The following PRDM7 variants were observed in gnomAD, a reference collection of about 807,000 sequenced individuals.
The protein encoded by PRDM7 is PR/SET domain 7.
In PRDM7, 52 loss-of-function variants were observed where a neutral mutation model predicts 64.3. The ratio of observed to expected loss-of-function variants is 0.81; its 90% CI spans 0.65 to 1.02. The LOEUF (loss-of-function observed/expected upper bound fraction) is 1.02, where lower values mean the gene tolerates loss of function less well. Ranked by LOEUF, PRDM7 falls within the 50% of genes least tolerant of loss-of-function variation. The pLI, the probability that PRDM7 is intolerant of heterozygous loss-of-function variation, is 0.00. For missense variants in PRDM7, 574 were observed against 597.1 expected (o/e 0.96, Z 0.40); for synonymous variants, 192 against 210.1 (o/e 0.91, Z 0.74).
intron 5 of PRDM7, among the ~76,000 whole-genome samples, chr16:90,064,745 G>T (rs1444031488): frequency 2.0e-5 from 3 of 148,528 alleles, no homozygotes; most frequent in Non-Finnish European, 4.4e-5. Flanking sequence ...TTGAGAGGGA[G>T]TCTCACTCTG....
At chr16:90,068,961 C>A (rs1253072431) in intron 4 of PRDM7, among the ~76,000 whole-genome samples, 2 of 151,204 alleles carry the variant, frequency 1.3e-5, no homozygotes, top group African/African-American at 4.9e-5. Flanking sequence ...GATTCAATGT[C>A]CTGTCTATCA....
chr16:90,057,945 G>T lies in PRDM7; in HGVS notation c.*344C>A. 1.9e-6 allele frequency: 3 copies of T among 1,594,918 alleles called. No individual in the cohort carries two copies. The South Asian group carries it at 3.3e-5, about 18-fold the overall frequency. ...CGCTCACACTCTCTGCAGACATAAGGCTTCTCCCCTGTGTGTGTCCTCTGG... is the reference window on the plus strand; with the variant it reads ...CGCTCACACTCTCTGCAGACATAAGTCTTCTCCCCTGTGTGTGTCCTCTGG... On this transcript the variant is annotated 3_prime_UTR_variant, in exon 11 of 11. Transcript: ENST00000449207.
rs184197676 is a variant in PRDM7 at position 90,070,970 on chromosome 16, A to G, written c.301+3946T>C. On this transcript the variant is annotated intron_variant, in intron 4 of 10. Transcript: ENST00000449207. ...TAGGGAAATGAAAATTAAAACCACA[A>G]TGAGATATCACCTTATCCTGTTATG... Among the ~76,000 whole-genome samples the G allele has an allele frequency of 1.3e-3, 200 of 152,336 alleles. 1 individual carries two copies. The highest frequency in any genetic ancestry group is 4.6e-3 in the African/African-American group (193 of 41,576).
chr16:90,066,761 A>T (rs1238865060), intron 5 of PRDM7, 100 bp downstream of exon 5: 1 of 1,066,280 alleles, frequency 9.4e-7, no homozygotes, highest in Non-Finnish European at 1.4e-6. Flanking sequence ...CAGGAGAGGA[A>T]GGCAGTAGTT....
chr16:90,065,946 A>G (rs2037866939), intron 5 of PRDM7, among the ~76,000 whole-genome samples: 1 of 151,116 alleles, frequency 6.6e-6, no homozygotes, highest in Non-Finnish European at 1.5e-5. Context: ...TCTAAGAAGA[A>G]TCAGGAAGGG....
chr16:90,074,273 AATCATCATCGTC>A (rs1238748551), intron 4 of PRDM7, among the ~76,000 whole-genome samples: 245 of 117,438 alleles, frequency 2.1e-3, no homozygotes, highest in African/African-American at 7.2e-3. Context: ...TAATAGTAAC[AATCATCATCGTC>A]ATCATCATCA....
intron 6 of PRDM7, 24 bp from the exon 7 acceptor site, chr16:90,062,526 G>T (rs2037800508): frequency 6.4e-7 from 1 of 1,572,502 alleles, no homozygotes; most frequent in South Asian, 1.1e-5. Context: ...GAGTAGATGG[G>T]TAAAATTGGG....
intron 10 of PRDM7, among the ~76,000 whole-genome samples, chr16:90,058,878 C>T (rs1282454512): frequency 6.6e-6 from 1 of 152,110 alleles, no homozygotes; most frequent in Admixed American, 6.5e-5. Context: ...TAAAGCCTTC[C>T]CTGATCACCT....
At chr16:90,067,301 T>C (rs2037891059) in intron 4 of PRDM7, among the ~76,000 whole-genome samples, 1 of 151,154 alleles carries the variant, frequency 6.6e-6, no homozygotes, top group Admixed American at 6.6e-5. Flanking sequence ...CAGAGAATTC[T>C]GAATCAGAGA....
At chr16:90,062,215 T>A in intron 7 of PRDM7, 23 bp from the exon 8 acceptor site, 1 of 1,614,242 alleles carries the variant, frequency 6.2e-7, no homozygotes, top group South Asian at 1.1e-5. Flanking sequence ...GAAGCAGGGA[T>A]TAGGAAAGTT....
At position 90,065,576 on chromosome 16, in the gene PRDM7, C is replaced by T. The variant is rs953964195; in HGVS notation, c.351+1285G>A. Reference sequence around the variant, plus strand: ...ACGGCAAAACCCTGCCTGTACAAAACACATAAAAATTAGCTGGGCATGGTG... The same window carrying T: ...ACGGCAAAACCCTGCCTGTACAAAATACATAAAAATTAGCTGGGCATGGTG... On this transcript the variant is annotated intron_variant, in intron 5 of 10. Transcript: ENST00000449207. Among the ~76,000 whole-genome samples the T allele has an allele frequency of 4.0e-5, 6 of 150,222 alleles. 1 individual carries two copies. The highest frequency in any genetic ancestry group is 1.5e-4 in the African/African-American group (6 of 40,102).
intron 5 of PRDM7, 47 bp from the exon 6 acceptor site, chr16:90,063,815 G>A (rs1460554077): frequency 4.4e-6 from 7 of 1,601,426 alleles, no homozygotes; most frequent in Non-Finnish European, 5.1e-6. Context: ...CATTTATTTA[G>A]TTCTTTACGG....
chr16:90,067,264 C>T (rs986329034), intron 4 of PRDM7, among the ~76,000 whole-genome samples: 2 of 151,172 alleles, frequency 1.3e-5, no homozygotes, highest in Non-Finnish European at 2.9e-5. Context: ...CTATGCTTGG[C>T]CTAACTCTGG....
chr16:90,069,137 G>C lies in PRDM7; in HGVS notation c.302-2227C>G, dbSNP rs533020651. Reference sequence around the variant, plus strand: ...TTACAAAGCTACAGTAATCAGAAAAGTATGGTACTGGTATAAAGACAGACC... The same window carrying C: ...TTACAAAGCTACAGTAATCAGAAAACTATGGTACTGGTATAAAGACAGACC... On this transcript the variant is annotated intron_variant, in intron 4 of 10. Coordinates refer to ENST00000449207, the MANE Select transcript of PRDM7 (RefSeq NM_001098173.2). 4.0e-5 allele frequency among the ~76,000 whole-genome samples: 6 copies of C among 151,268 alleles called. 1 individual carries two copies. Among genetic ancestry groups the C allele is most frequent in the South Asian group, 2.1e-4 (1 of 4,824 alleles).
At chr16:90,071,776 A>T (rs2037960273) in intron 4 of PRDM7, among the ~76,000 whole-genome samples, 1 of 152,234 alleles carries the variant, frequency 6.6e-6, no homozygotes. Flanking sequence ...CATTCAAACC[A>T]TAGTAGTGGG....
intron 4 of PRDM7, among the ~76,000 whole-genome samples, chr16:90,072,185 T>C (rs998033975): frequency 2.0e-5 from 3 of 150,058 alleles, no homozygotes; most frequent in African/African-American, 7.4e-5. Context: ...GAGCCGAGAT[T>C]GCGCCACTGC....
chr16:90,065,408 A>AAG (rs1567877383), intron 5 of PRDM7, among the ~76,000 whole-genome samples: 26 of 148,532 alleles, frequency 1.8e-4, no homozygotes, highest in African/African-American at 6.3e-4. Flanking sequence ...AAAAAAAAAA[A>AAG]AAAGAAAGAA....
At chr16:90,065,363 A>G (rs2037855230) in intron 5 of PRDM7, among the ~76,000 whole-genome samples, 1 of 141,766 alleles carries the variant, frequency 7.1e-6, no homozygotes, top group Non-Finnish European at 1.5e-5. Context: ...ACTGCACTCC[A>G]GCCTGGGTAA....
At chr16:90,064,149 G>A (rs1450596647) in intron 5 of PRDM7, among the ~76,000 whole-genome samples, 1 of 152,180 alleles carries the variant, frequency 6.6e-6, no homozygotes, top group Admixed American at 6.5e-5. Flanking sequence ...AGCACAGAGG[G>A]ACAAAGCACA....
Sources: gnomAD v4.1 joint callset for allele counts (sites outside exome capture counted in the v4.1 genomes callset) on GRCh38, gnomAD v4.1.1 for gene constraint, MANE v1.5 for transcripts, NCBI Gene and HGNC (gene_info 2026-07-23, HGNC 2026-07-21) for gene names.